Variants in RNF145 observed in about 807,000 individuals in gnomAD.
RNF145 encodes the protein ring finger protein 145.
A neutral mutation model predicts 57.3 loss-of-function variants in RNF145; 12 were observed. The observed-to-expected ratio is 0.21, with a 90% CI of 0.13 to 0.34. The LOEUF (loss-of-function observed/expected upper bound fraction) is 0.34. Among genes scored for constraint, RNF145 ranks in the 10% least tolerant of loss-of-function variants. The probability of loss-of-function intolerance (pLI) is 1.00; values close to 1 mark genes in which losing one functional copy is unlikely to be tolerated. For missense variants in RNF145, 429 were observed against 799.0 expected (o/e 0.54, Z 5.58); for synonymous variants, 262 against 288.3 (o/e 0.91, Z 0.92).
At chr5:159,190,454 G>A (rs534454033) in intron 3 of RNF145, among the ~76,000 whole-genome samples, 126 of 152,186 alleles carry the variant, frequency 8.3e-4, no homozygotes, top group African/African-American at 2.9e-3. Flanking sequence ...GGGAGGCTGA[G>A]GCAGGAGGAT....
intron 10 of RNF145, among the ~76,000 whole-genome samples, chr5:159,159,921 C>T (rs1200363485): frequency 6.6e-6 from 1 of 152,160 alleles, no homozygotes; most frequent in East Asian, 1.9e-4. Flanking sequence ...GAACTGGTAA[C>T]ATCTGGGAGT....
At chr5:159,209,196 G>C (rs1307179231) in intron 1 of RNF145, 35 bp downstream of exon 1, 8 of 944,772 alleles carry the variant, frequency 8.5e-6, no homozygotes, top group Non-Finnish European at 1.0e-5. Context: ...GGGGGGCGCG[G>C]GGATGGGAAG....
At chr5:159,170,633 T>C (rs1466408359) in intron 6 of RNF145, among the ~76,000 whole-genome samples, 1 of 152,200 alleles carries the variant, frequency 6.6e-6, no homozygotes, top group Non-Finnish European at 1.5e-5. Context: ...TCTTGCTCTG[T>C]TGCTAGGCTG....
chr5:159,190,092 G>GAC (rs1384756042), intron 3 of RNF145, among the ~76,000 whole-genome samples: 4 of 152,132 alleles, frequency 2.6e-5, no homozygotes, highest in African/African-American at 4.8e-5. Flanking sequence ...CACCAGGCTG[G>GAC]AGTGCAGTGG....
intron 8 of RNF145, among the ~76,000 whole-genome samples, chr5:159,167,695 T>A (rs1040855516): frequency 2.0e-5 from 3 of 152,146 alleles, no homozygotes; most frequent in African/African-American, 4.8e-5. Context: ...TCAAGAAACC[T>A]TAAACCTCAC....
intron 2 of RNF145, among the ~76,000 whole-genome samples, chr5:159,200,493 T>A (rs1260778821): frequency 6.6e-6 from 1 of 151,842 alleles, no homozygotes; most frequent in East Asian, 1.9e-4. Context: ...CTAGAAAAAA[T>A]AAAATTATAC....
intron 9 of RNF145, among the ~76,000 whole-genome samples, chr5:159,162,476 G>T (rs554788306): frequency 7.0e-6 from 1 of 142,298 alleles, no homozygotes; most frequent in Non-Finnish European, 1.5e-5. Flanking sequence ...CGCCCAGGCC[G>T]GACTGCGGAC....
chr5:159,209,940 C>G, upstream of RNF145: 1 of 1,526,104 alleles, frequency 6.6e-7, no homozygotes, highest in East Asian at 2.4e-5. Flanking sequence ...GTTTTAACCT[C>G]GTCACTGACT....
rs567526645 is a variant in RNF145, at chr5:159,159,622, A to T, written c.1627-587T>A. Reference sequence around the variant, plus strand: ...GCATAAGAACCACTTGTTAACACATAGTCTTGGGCCACCCAAGACCTACTG... The same window carrying T: ...GCATAAGAACCACTTGTTAACACATTGTCTTGGGCCACCCAAGACCTACTG... On this transcript the variant is annotated intron_variant, in intron 10 of 10. Coordinates refer to ENST00000424310, the MANE Select transcript of RNF145 (RefSeq NM_001199383.2). Among the ~76,000 whole-genome samples the T allele has an allele frequency of 4.1e-4, 63 of 152,318 alleles. 2 individuals carry two copies. Among genetic ancestry groups the T allele is most frequent in the African/African-American group, 1.4e-3 (57 of 41,564 alleles).
At chr5:159,176,566 A>T in intron 5 of RNF145, 66 bp downstream of exon 5, 1 of 949,066 alleles carries the variant, frequency 1.1e-6, no homozygotes, top group Non-Finnish European at 1.6e-6. Flanking sequence ...AATGAACTAT[A>T]ACTTTAATGT....
chr5:159,190,449 G>GT (rs1258038029), intron 3 of RNF145, among the ~76,000 whole-genome samples: 6 of 152,086 alleles, frequency 3.9e-5, no homozygotes, highest in Admixed American at 2.6e-4. Context: ...GCTTTGGGAG[G>GT]CTGAGGCAGG....
chr5:159,200,058 C>A (rs765804663), intron 2 of RNF145, among the ~76,000 whole-genome samples: 6 of 152,026 alleles, frequency 3.9e-5, no homozygotes, highest in African/African-American at 9.7e-5. Context: ...CAGGAGGCTG[C>A]GGCAGGAGGA....
At chr5:159,168,125 A>G (rs1784443902) in intron 8 of RNF145, among the ~76,000 whole-genome samples, 1 of 152,178 alleles carries the variant, frequency 6.6e-6, no homozygotes, top group Non-Finnish European at 1.5e-5. Context: ...AAGGAACTAA[A>G]TAATAGTTTG....
upstream of RNF145, chr5:159,209,793 A>T (rs1489770331): frequency 1.4e-6 from 2 of 1,468,516 alleles, no homozygotes; most frequent in Admixed American, 2.0e-5. Flanking sequence ...CGCCATTCTG[A>T]CACACGTGCT....
At chr5:159,162,530 G>T (rs1388733991) in intron 9 of RNF145, among the ~76,000 whole-genome samples, 1 of 150,454 alleles carries the variant, frequency 6.6e-6, no homozygotes, top group Non-Finnish European at 1.5e-5. Context: ...CGCTTCCCGG[G>T]TTTACGCCAT....
chr5:159,203,621 GTTTTTTTTTTTC>G lies in RNF145; in HGVS notation c.-16_-5del, dbSNP rs1160934551. ...CCAGTTTCTCCTTTGCAGCCATGTT[GTTTTTTTTTTTC>G]TTTTTTTTTTTCTTGGAGAAGACCT... On this transcript the variant is annotated 5_prime_UTR_variant, in exon 2 of 11. Transcript: ENST00000424310. 46 of 1,269,992 alleles carry G rather than the reference GTTTTTTTTTTTC, an allele frequency of 3.6e-5. No individual in the cohort carries two copies. Among genetic ancestry groups the G allele is most frequent in the East Asian group, 5.5e-5 (2 of 36,186 alleles). 78.7% of individuals were successfully genotyped at this position (1,269,992 alleles called of 1,614,324 possible).
chr5:159,167,559 A>T (rs928360928), intron 8 of RNF145, among the ~76,000 whole-genome samples: 1 of 152,224 alleles, frequency 6.6e-6, no homozygotes, highest in African/African-American at 2.4e-5. Context: ...GTAATTAATA[A>T]CAGATGACAT....
At chr5:159,169,844 A>G in intron 6 of RNF145, 25 bp from the exon 7 acceptor site, 1 of 1,572,058 alleles carries the variant, frequency 6.4e-7, no homozygotes, top group South Asian at 1.2e-5. Context: ...GGGGAAATTA[A>G]CAGACATAAA....
chr5:159,169,039 C>A lies in RNF145; in HGVS notation c.955G>T (p.Val319Leu), dbSNP rs1284974109. 1 of 1,569,532 alleles carries A rather than the reference C, an allele frequency of 6.4e-7. No individual in the cohort carries two copies. Among genetic ancestry groups the A allele is most frequent in the Admixed American group, 2.1e-5 (1 of 47,834 alleles). The change falls in exon 8 of 11, where the codon GTA (valine) becomes TTA (leucine). Residue 319 changes from valine to leucine, a missense_variant. By Grantham distance (32) the Val-to-Leu change is conservative (BLOSUM62 1). Transcript: ENST00000424310. ...PAMNRGMTEG[V>L]TLLILAVQTG... is the part of the protein sequence containing the mutation. ...TGCACTGCCAGGATTAACAGCGTTA[C>A]TCCTTCTGTCATGCCCCTAAAAAAA...
Sources: allele counts gnomAD v4.1 joint callset (sites outside exome capture counted in the v4.1 genomes callset), GRCh38; gene constraint gnomAD v4.1.1; transcripts MANE v1.5; gene names NCBI Gene and HGNC (gene_info 2026-07-23, HGNC 2026-07-21).